The following ANO1 variants were observed in gnomAD, a reference collection of about 807,000 sequenced individuals.
ANO1 encodes the protein anoctamin 1.
Under a neutral mutation model 124.0 loss-of-function variants are expected in ANO1, and 59 were observed. That is an observed-to-expected ratio of 0.48 (90% CI 0.39 to 0.59). The LOEUF is 0.59. Ranked by LOEUF, ANO1 falls within the 20% of genes least tolerant of loss-of-function variation. The pLI, the probability that ANO1 is intolerant of heterozygous loss-of-function variation, is 0.00. For synonymous variants in ANO1, 529 were observed against 532.0 expected (o/e 0.99, Z 0.08); for missense variants, 1,059 against 1,328.0 (o/e 0.80, Z 3.15).
intron 1 of ANO1, among the ~76,000 whole-genome samples, chr11:70,007,763 G>A (rs1856521724): frequency 6.6e-6 from 1 of 152,154 alleles, no homozygotes; most frequent in African/African-American, 2.4e-5. Flanking sequence ...TTCCTTTGGG[G>A]AGACACCCAG....
chr11:70,045,191 AT>A (rs1445578209), intron 1 of ANO1, among the ~76,000 whole-genome samples: 1 of 152,258 alleles, frequency 6.6e-6, no homozygotes, highest in African/African-American at 2.4e-5. Context: ...CTAAACAGGC[AT>A]TCCTTGTGCG....
chr11:70,095,317 A>AAGGAAGGAAGG (rs1565193468), intron 2 of ANO1, among the ~76,000 whole-genome samples: 4 of 81,324 alleles, frequency 4.9e-5, no homozygotes, highest in South Asian at 4.0e-4. Flanking sequence ...AGAAAGAAAG[A>AAGGAAGGAAGG]AAGGAAAGAA....
At chr11:70,140,704 G>C (rs1014532875) in intron 11 of ANO1, among the ~76,000 whole-genome samples, 13 of 152,076 alleles carry the variant, frequency 8.5e-5, no homozygotes, top group South Asian at 4.1e-4. Context: ...CTGCTACAAG[G>C]GTTTGTGATA....
chr11:70,093,210 CCT>C (rs199880647), intron 2 of ANO1, among the ~76,000 whole-genome samples: 228 of 149,542 alleles, frequency 1.5e-3, no homozygotes, highest in African/African-American at 4.9e-3. Flanking sequence ...CTTTCTTCCC[CCT>C]CTCTCTCTCT....
chr11:70,085,570 A>G, intron 1 of ANO1: 1 of 1,535,956 alleles, frequency 6.5e-7, no homozygotes, highest in South Asian at 1.2e-5. Flanking sequence ...CAGGAGAGGC[A>G]TCCTAGGGCC....
chr11:70,122,981 G>A (rs575382635), intron 8 of ANO1, among the ~76,000 whole-genome samples: 11 of 152,140 alleles, frequency 7.2e-5, no homozygotes, highest in Non-Finnish European at 1.5e-4. Flanking sequence ...CCTTTTCATC[G>A]TTATCTGCCT....
chr11:70,126,115 C>G lies in ANO1; in HGVS notation c.1017C>G (p.Thr339=), dbSNP rs1440157589. 1 of 1,613,624 alleles carries G rather than the reference C, an allele frequency of 6.2e-7. No homozygotes were observed. Among genetic ancestry groups the G allele is most frequent in the Middle Eastern group, 1.7e-4 (1 of 6,060 alleles). ...ACTTCGCCTGGCTGGGCGTGTACAC[C>G]CAGATGCTCATCCCTGCCTCCATCG... is the stretch of plus-strand genomic sequence containing the variant. The part of the protein sequence containing the change: ...GLYFAWLGVY[T]QMLIPASIVG... The change falls in exon 10 of 26, where the codon ACC becomes ACG. Residue 339 remains threonine, a synonymous_variant. Transcript: ENST00000355303.
intron 6 of ANO1, among the ~76,000 whole-genome samples, chr11:70,110,077 G>C (rs2045709471): frequency 6.6e-6 from 1 of 152,164 alleles, no homozygotes; most frequent in Non-Finnish European, 1.5e-5. Flanking sequence ...CTTCCAGATG[G>C]AGGGAGTGGC....
At chr11:69,999,629 C>G (rs1856342751) in intron 1 of ANO1, among the ~76,000 whole-genome samples, 1 of 152,190 alleles carries the variant, frequency 6.6e-6, no homozygotes, top group Non-Finnish European at 1.5e-5. Flanking sequence ...CACCCGCTAA[C>G]ATAAACGCCA....
intron 11 of ANO1, among the ~76,000 whole-genome samples, chr11:70,144,351 C>T (rs939862154): frequency 6.6e-6 from 1 of 152,160 alleles, no homozygotes; most frequent in Non-Finnish European, 1.5e-5. Flanking sequence ...CTGTGATATG[C>T]GGGCCCTGCC....
At chr11:70,022,721 T>C (rs1329752745) in intron 1 of ANO1, among the ~76,000 whole-genome samples, 1 of 152,076 alleles carries the variant, frequency 6.6e-6, no homozygotes, top group East Asian at 1.9e-4. Flanking sequence ...GCAAGCAGAA[T>C]CACGACCCCC....
At chr11:70,059,286 G>A (rs182105778) in intron 1 of ANO1, among the ~76,000 whole-genome samples, 16 of 142,768 alleles carry the variant, frequency 1.1e-4, no homozygotes, top group Middle Eastern at 3.9e-3. Flanking sequence ...GGGAGGTGGA[G>A]CTTGTAGTGA....
chr11:70,171,053 C>G lies in ANO1; in HGVS notation c.2350+14C>G, dbSNP rs770717069. 6.2e-7 allele frequency: 1 copy of G among 1,609,320 alleles called. No homozygotes were observed. The highest frequency in any genetic ancestry group is 8.5e-7 in the Non-Finnish European group (1 of 1,177,954). On this transcript the variant is annotated intron_variant, in intron 22 of 25. Transcript: ENST00000355303. ...CCAAAGACATCGGTGAGTGACCCCA[C>G]GGGCCGGCAGAACCGGTTCCGAGTG...
Position 70,156,948 on chromosome 11 carries a change from C to A in ANO1, c.1505C>A (p.Thr502Asn), listed in dbSNP as rs768065543. The change falls in exon 16 of 26, where the codon ACT (threonine) becomes AAT (asparagine). Residue 502 changes from threonine to asparagine, a missense_variant and splice_region_variant. Transcript: ENST00000355303. ...VKTAMAGVKLTDKVKLTWRDR... is the reference protein window; with the variant it reads ...VKTAMAGVKLNDKVKLTWRDR... ...GACCGGCATTGTTTTGTGTTGTAGA[C>A]TGACAAAGTGAAGCTGACATGGAGA... 1.1e-5 allele frequency: 17 copies of A among 1,613,382 alleles called. No homozygotes were observed. The highest frequency in any genetic ancestry group is 1.6e-4 in the Middle Eastern group (1 of 6,084).
At chr11:70,156,478 C>T (rs183754750) in intron 15 of ANO1, among the ~76,000 whole-genome samples, 87 of 152,262 alleles carry the variant, frequency 5.7e-4, no homozygotes, top group African/African-American at 1.9e-3. Context: ...CCGCAGACGA[C>T]GTTTTAACTT....
At chr11:70,012,186 T>G (rs1856608715) in intron 1 of ANO1, among the ~76,000 whole-genome samples, 1 of 151,426 alleles carries the variant, frequency 6.6e-6, no homozygotes, top group Non-Finnish European at 1.5e-5. Flanking sequence ...ATCCATCCAT[T>G]GTTGTATCTA....
At position 70,087,940 on chromosome 11, in the gene ANO1, C is replaced by T; in HGVS notation, c.297C>T (p.His99=). Residue 99 remains histidine (H), a synonymous_variant, in exon 2 of 26, where the codon CAC becomes CAT. Coordinates refer to ENST00000355303, the MANE Select transcript of ANO1 (RefSeq NM_018043.7). ...PSGARSVKQD[H]PLPGKGASLD... ...GGGCTCGCAGCGTCAAGCAGGACCA[C>T]CCCCTGCCGGGCAAGGGGGCGTCGC... The T allele has an allele frequency of 6.2e-7, 1 of 1,602,794 alleles. No individual in the cohort carries two copies. The highest frequency in any genetic ancestry group is 8.5e-7 in the Non-Finnish European group (1 of 1,174,568).
At position 70,067,555 on chromosome 11, in the gene ANO1, C is replaced by A. The variant is rs144285294; in HGVS notation, c.59-10987C>A. ...GTTGGCCAGGCTGGTCTTGAACTCC[C>A]GACCTCAAGTGATCCGTCTGCCTCA... On this transcript the variant is annotated intron_variant, in intron 1 of 27. Transcript: ENST00000531349. 5.3e-3 allele frequency among the ~76,000 whole-genome samples: 812 copies of A among 152,232 alleles called. 7 individuals carry two copies. Among genetic ancestry groups the A allele is most frequent in the African/African-American group, 0.018 (734 of 41,552 alleles).
chr11:70,021,962 G>C (rs567740422), intron 1 of ANO1, among the ~76,000 whole-genome samples: 11 of 152,282 alleles, frequency 7.2e-5, no homozygotes, highest in Admixed American at 2.6e-4. Flanking sequence ...AGGAGCAGAC[G>C]AAACCAAGCA....
Sources: allele counts gnomAD v4.1 joint callset (sites outside exome capture counted in the v4.1 genomes callset), GRCh38; gene constraint gnomAD v4.1.1; transcripts MANE v1.5; gene names NCBI Gene and HGNC (gene_info 2026-07-23, HGNC 2026-07-21).